The following SSBP2 variants were observed in gnomAD, a reference collection of about 807,000 sequenced individuals.
The protein encoded by SSBP2 is single-stranded DNA-binding protein 2.
Under a neutral mutation model 61.8 loss-of-function variants are expected in SSBP2, and 17 were observed. The ratio of observed to expected loss-of-function variants is 0.28; its 90% confidence interval spans 0.19 to 0.41. The LOEUF is 0.41. Ranked by LOEUF, SSBP2 falls within the 10% of genes least tolerant of loss-of-function variation. The pLI is 1.00. For synonymous variants in SSBP2, 139 were observed against 141.3 expected (o/e 0.98, Z 0.12); for missense variants, 310 against 458.7 (o/e 0.68, Z 2.96).
intron 4 of SSBP2, among the ~76,000 whole-genome samples, chr5:81,556,629 T>G (rs971903548): frequency 3.9e-5 from 6 of 152,154 alleles, no homozygotes; most frequent in South Asian, 2.1e-4. Context: ...CTATGGATCC[T>G]ATTCCCTACT....
At chr5:81,696,291 C>G (rs1237801698) in intron 1 of SSBP2, among the ~76,000 whole-genome samples, 4 of 152,184 alleles carry the variant, frequency 2.6e-5, no homozygotes, top group Non-Finnish European at 5.9e-5. Context: ...TACCTGTCTC[C>G]AAGTATAACT....
upstream of SSBP2, chr5:81,751,122 G>T: frequency 6.9e-7 from 1 of 1,445,506 alleles, no homozygotes; most frequent in Non-Finnish European, 9.5e-7. Flanking sequence ...CGTCCCCATG[G>T]CGACCCACGC....
chr5:81,590,522 C>T (rs1269612562), intron 4 of SSBP2, among the ~76,000 whole-genome samples: 1 of 152,206 alleles, frequency 6.6e-6, no homozygotes, highest in African/African-American at 2.4e-5. Flanking sequence ...AGGAACTCCA[C>T]TAAAATTGTT....
chr5:81,518,403 C>T (rs1427412303), intron 4 of SSBP2, among the ~76,000 whole-genome samples: 1 of 151,962 alleles, frequency 6.6e-6, no homozygotes, highest in Admixed American at 6.6e-5. Flanking sequence ...AGGGTTCCTC[C>T]CTTGAGAATG....
chr5:81,421,076 CA>C (rs1761578321), intron 16 of SSBP2, among the ~76,000 whole-genome samples: 1 of 151,452 alleles, frequency 6.6e-6, no homozygotes, highest in South Asian at 2.1e-4. Flanking sequence ...TGTAGGGAAA[CA>C]AAACAGAAAC....
At chr5:81,532,012 T>C (rs548683947) in intron 4 of SSBP2, among the ~76,000 whole-genome samples, 1 of 152,074 alleles carries the variant, frequency 6.6e-6, no homozygotes, top group African/African-American at 2.4e-5. Context: ...TCAGCTGTTA[T>C]TGAGAGGAAA....
chr5:81,643,435 G>C (rs555157112), intron 2 of SSBP2, among the ~76,000 whole-genome samples: 11 of 152,108 alleles, frequency 7.2e-5, no homozygotes, highest in Non-Finnish European at 1.3e-4. Context: ...ATACCTATGT[G>C]TAAGTTTCTT....
intron 16 of SSBP2, among the ~76,000 whole-genome samples, chr5:81,423,982 A>G (rs1490304792): frequency 1.3e-5 from 2 of 152,212 alleles, no homozygotes; most frequent in African/African-American, 4.8e-5. Flanking sequence ...TCAATCTTAC[A>G]GAAAAATGAT....
chr5:81,749,990 G>C (rs1033058550), intron 1 of SSBP2, among the ~76,000 whole-genome samples: 2 of 151,968 alleles, frequency 1.3e-5, no homozygotes, highest in Admixed American at 1.3e-4. Flanking sequence ...GGGCGCCCCC[G>C]GCGGCTCCCA....
chr5:81,720,901 A>G lies in SSBP2; in HGVS notation c.62+30080T>C, dbSNP rs75371650. Among the ~76,000 whole-genome samples, 224 of 152,308 alleles carry G rather than the reference A, an allele frequency of 1.5e-3. 1 individual carries two copies. Among genetic ancestry groups the G allele is most frequent in the African/African-American group, 5.2e-3 (215 of 41,592 alleles). On this transcript the variant is annotated intron_variant, in intron 1 of 16. Transcript: ENST00000320672. Reference sequence around the variant, plus strand: ...CATAAAAGTAAAACTAGGTCTGTTTAAAGTATACACACATATATAGCACAT... The same window carrying G: ...CATAAAAGTAAAACTAGGTCTGTTTGAAGTATACACACATATATAGCACAT...
At chr5:81,714,434 G>T (rs60863858) in intron 1 of SSBP2, among the ~76,000 whole-genome samples, 1 of 152,132 alleles carries the variant, frequency 6.6e-6, no homozygotes, top group Non-Finnish European at 1.5e-5. Flanking sequence ...TAATGAGACT[G>T]CTGGTCAAAT....
chr5:81,612,409 T>C (rs1276299807), intron 4 of SSBP2, among the ~76,000 whole-genome samples: 2 of 152,122 alleles, frequency 1.3e-5, no homozygotes, highest in African/African-American at 4.8e-5. Flanking sequence ...AAAGTAACTT[T>C]CCTGAATGTG....
At chr5:81,474,611 A>G (rs1191352913) in intron 6 of SSBP2, 49 bp from the exon 7 acceptor site, 3 of 1,391,272 alleles carry the variant, frequency 2.2e-6, no homozygotes. Flanking sequence ...AATATTTATA[A>G]AATAAGTTTT....
At chr5:81,482,574 C>T (rs770228730) in intron 6 of SSBP2, among the ~76,000 whole-genome samples, 2 of 152,174 alleles carry the variant, frequency 1.3e-5, no homozygotes, top group South Asian at 4.1e-4. Context: ...CTCTGCCCGC[C>T]GCCCTCAGGC....
intron 1 of SSBP2, among the ~76,000 whole-genome samples, chr5:81,745,760 T>C (rs1231488013): frequency 6.6e-6 from 1 of 152,104 alleles, no homozygotes; most frequent in East Asian, 1.9e-4. Flanking sequence ...ATTAATGCAA[T>C]GGTTGTGATT....
At chr5:81,508,382 T>G (rs1038556460) in intron 5 of SSBP2, among the ~76,000 whole-genome samples, 1 of 152,162 alleles carries the variant, frequency 6.6e-6, no homozygotes, top group African/African-American at 2.4e-5. Flanking sequence ...AGACTCCAAG[T>G]AAATAACTAC....
chr5:81,598,977 T>C (rs1424830616), intron 4 of SSBP2, among the ~76,000 whole-genome samples: 1 of 152,234 alleles, frequency 6.6e-6, no homozygotes, highest in Admixed American at 6.5e-5. Context: ...AATCTGACTC[T>C]GCCTTTATTC....
rs1356242286 is a variant in SSBP2, at chr5:81,613,042, C to T, written c.282+2431G>A. 3.3e-5 allele frequency among the ~76,000 whole-genome samples: 5 copies of T among 152,090 alleles called. No homozygotes were observed. The South Asian group carries it at 8.3e-4, about 25-fold the overall frequency. Reference sequence around the variant, plus strand: ...AAGAAATTAATGTATTTTTAAAAATCCAATTGTAATATAAAATCATGTAGG... The same window carrying T: ...AAGAAATTAATGTATTTTTAAAAATTCAATTGTAATATAAAATCATGTAGG... On this transcript the variant is annotated intron_variant, in intron 4 of 16. Transcript: ENST00000320672.
At chr5:81,698,271 C>A (rs1277626952) in intron 1 of SSBP2, among the ~76,000 whole-genome samples, 1 of 152,070 alleles carries the variant, frequency 6.6e-6, no homozygotes, top group Admixed American at 6.5e-5. Flanking sequence ...AAATAGGCAA[C>A]CTAATGTAGA....
Sources: allele counts gnomAD v4.1 joint callset (sites outside exome capture counted in the v4.1 genomes callset), GRCh38; gene constraint gnomAD v4.1.1; transcripts MANE v1.5; gene names NCBI Gene and HGNC (gene_info 2026-07-23, HGNC 2026-07-21).